The following ZMAT4 variants were observed in gnomAD, a reference collection of about 807,000 sequenced individuals.
ZMAT4 encodes the protein zinc finger matrin-type 4, also known as zinc finger matrin-type protein 4.
ZMAT4 carries 17 observed loss-of-function variants against 28.7 expected under a neutral mutation model. That is an observed-to-expected ratio of 0.59 (90% CI 0.41 to 0.89). ZMAT4 has a LOEUF of 0.89. ZMAT4 is among the 40% of genes least tolerant of loss of function. The pLI is 0.00. For missense variants in ZMAT4, 240 were observed against 283.8 expected, an observed-to-expected ratio of 0.85 and a Z score of 1.11; for synonymous variants, 117 against 109.2, an observed-to-expected ratio of 1.07 and a Z score of -0.44.
At chr8:40,741,147 G>T (rs1325357110) in intron 3 of ZMAT4, among the ~76,000 whole-genome samples, 2 of 152,010 alleles carry the variant, frequency 1.3e-5, no homozygotes, top group African/African-American at 4.8e-5. Context: ...GGTTGTGAAG[G>T]TTTAAAAAAG....
intron 4 of ZMAT4, among the ~76,000 whole-genome samples, chr8:40,683,640 A>G (rs890179259): frequency 1.3e-5 from 2 of 152,232 alleles, no homozygotes; most frequent in Non-Finnish European, 2.9e-5. Flanking sequence ...TCACTGAGAA[A>G]CAAGAAACAC....
At chr8:40,771,389 T>C (rs1394079753) in intron 2 of ZMAT4, among the ~76,000 whole-genome samples, 1 of 152,020 alleles carries the variant, frequency 6.6e-6, no homozygotes, top group South Asian at 2.1e-4. Flanking sequence ...GACTGGTTTT[T>C]ATTTTTTATT....
intron 5 of ZMAT4, chr8:40,674,394 A>G: frequency 3.4e-6 from 1 of 294,820 alleles, no homozygotes; most frequent in Admixed American, 4.7e-5. Flanking sequence ...CTGCTACTCT[A>G]CAAAAGCATT....
At chr8:40,650,173 C>A (rs371556055) in intron 5 of ZMAT4, among the ~76,000 whole-genome samples, 1 of 151,836 alleles carries the variant, frequency 6.6e-6, no homozygotes, top group Non-Finnish European at 1.5e-5. Flanking sequence ...ATTGATAGAC[C>A]GCTAGCAAGA....
intron 6 of ZMAT4, among the ~76,000 whole-genome samples, chr8:40,552,804 C>T (rs547477678): frequency 1.3e-5 from 2 of 152,116 alleles, no homozygotes; most frequent in Non-Finnish European, 2.9e-5. Context: ...AAAAATACAT[C>T]CACAGATTAT....
At chr8:40,726,255 T>C (rs1811314406) in intron 3 of ZMAT4, among the ~76,000 whole-genome samples, 1 of 152,358 alleles carries the variant, frequency 6.6e-6, no homozygotes. Context: ...TATTTTGTGT[T>C]AAAACAGACA....
rs568093477 is a variant in ZMAT4 at position 40,730,705 on chromosome 8, A to T, written c.193-33304T>A. Among the ~76,000 whole-genome samples, 4 of 152,310 alleles carry T rather than the reference A, an allele frequency of 2.6e-5. No individual in the cohort carries two copies. In the South Asian group the frequency reaches 8.3e-4, roughly 32 times the overall value. The stretch of plus-strand genomic sequence containing the variant: ...AACCCCAGGGAAACAACTCCCCTCA[A>T]AGAAGGGCAAACAAATCTGGCTCAA... On this transcript the variant is annotated intron_variant, in intron 3 of 6. Transcript: ENST00000297737.
chr8:40,652,304 T>G (rs1807704803), intron 5 of ZMAT4, among the ~76,000 whole-genome samples: 2 of 117,596 alleles, frequency 1.7e-5, no homozygotes, highest in South Asian at 7.2e-4. Flanking sequence ...AAAGAAGACA[T>G]TTATGCAGCC....
At chr8:40,670,509 T>C (rs1318828543) in intron 5 of ZMAT4, among the ~76,000 whole-genome samples, 1 of 151,962 alleles carries the variant, frequency 6.6e-6, no homozygotes, top group Non-Finnish European at 1.5e-5. Context: ...GCAATGATTA[T>C]AAAAGAATAA....
At position 40,823,335 on chromosome 8, in the gene ZMAT4, C is replaced by T. The variant is rs76237397; in HGVS notation, c.102+2240G>A. 5.3e-5 allele frequency among the ~76,000 whole-genome samples: 8 copies of T among 152,154 alleles called. No individual in the cohort carries two copies. In the East Asian group the frequency reaches 1.2e-3, roughly 22 times the overall value. The stretch of plus-strand genomic sequence containing the variant: ...GAATTTCAGAGCAGGGACAAATTCC[C>T]CCATTTCCTTAACTGGGGAAAACAT... On this transcript the variant is annotated intron_variant, in intron 2 of 6. Transcript: ENST00000297737.
chr8:40,590,385 G>A (rs1247586632), intron 5 of ZMAT4, among the ~76,000 whole-genome samples: 1 of 151,552 alleles, frequency 6.6e-6, no homozygotes, highest in Admixed American at 6.6e-5. Flanking sequence ...AATTCTGCTT[G>A]TGTGGGTCCC....
chr8:40,784,582 A>C (rs776571335), intron 2 of ZMAT4, among the ~76,000 whole-genome samples: 1 of 152,222 alleles, frequency 6.6e-6, no homozygotes, highest in African/African-American at 2.4e-5. Context: ...AAAGAGATCT[A>C]AGAATAGGAA....
At chr8:40,594,103 G>T (rs1478349849) in intron 5 of ZMAT4, among the ~76,000 whole-genome samples, 1 of 152,150 alleles carries the variant, frequency 6.6e-6, no homozygotes, top group Non-Finnish European at 1.5e-5. Context: ...AAGCCAGATG[G>T]CTGCTTGCTT....
intron 1 of ZMAT4, among the ~76,000 whole-genome samples, chr8:40,893,843 C>A (rs1005673898): frequency 2.0e-5 from 3 of 152,148 alleles, no homozygotes; most frequent in African/African-American, 7.2e-5. Flanking sequence ...CTCAGGTAGG[C>A]CCCTATTGTT....
chr8:40,584,544 C>T (rs767665351), intron 5 of ZMAT4, among the ~76,000 whole-genome samples: 3 of 152,084 alleles, frequency 2.0e-5, no homozygotes, highest in Non-Finnish European at 4.4e-5. Flanking sequence ...AGTGAAAATT[C>T]GTGAAACTTG....
At chr8:40,819,134 T>C (rs1456916263) in intron 2 of ZMAT4, among the ~76,000 whole-genome samples, 2 of 152,022 alleles carry the variant, frequency 1.3e-5, no homozygotes, top group Non-Finnish European at 2.9e-5. Flanking sequence ...AGAAAAAATA[T>C]ACATGTTTTG....
intron 1 of ZMAT4, chr8:40,884,976 C>T (rs1006329133): frequency 6.6e-6 from 1 of 152,124 alleles, no homozygotes; most frequent in Non-Finnish European, 1.5e-5. Context: ...TTTGCAAACC[C>T]CATCCTAGAT....
intron 3 of ZMAT4, among the ~76,000 whole-genome samples, chr8:40,764,756 G>T (rs1301252011): frequency 6.6e-6 from 1 of 152,062 alleles, no homozygotes; most frequent in East Asian, 1.9e-4. Context: ...TGCAGAAAGT[G>T]CTTTGAAAAC....
chr8:40,532,315 C>G (rs1802715471), intron 6 of ZMAT4, 77 bp from the exon 7 acceptor site: 4 of 1,331,868 alleles, frequency 3.0e-6, no homozygotes, highest in Middle Eastern at 3.8e-4. Flanking sequence ...CCCCCCACCC[C>G]CTGTCTCTCT....
Sources: allele counts gnomAD v4.1 joint callset (sites outside exome capture counted in the v4.1 genomes callset), GRCh38; gene constraint gnomAD v4.1.1; transcripts MANE v1.5; gene names NCBI Gene and HGNC (gene_info 2026-07-23, HGNC 2026-07-21).